ADAMTS4: variants seen among roughly 807,000 people sequenced by gnomAD.
ADAMTS4 encodes the protein A disintegrin and metalloproteinase with thrombospondin motifs 4.
In ADAMTS4, 38 loss-of-function variants were observed where a neutral mutation model predicts 66.7. The observed-to-expected ratio is 0.57, with a 90% confidence interval of 0.44 to 0.75. ADAMTS4 has a LOEUF of 0.75. ADAMTS4 is among the 30% of genes least tolerant of loss of function. The pLI, the probability that ADAMTS4 is intolerant of heterozygous loss-of-function variation, is 0.00. For missense variants in ADAMTS4, 1,014 were observed against 1,116.7 expected (o/e 0.91, Z 1.31); for synonymous variants, 418 against 461.5 (o/e 0.91, Z 1.21).
In ADAMTS4 at chr1:161,186,671, C is replaced by T. The variant is rs1488684660; in HGVS notation, c.*4467G>A. The T allele has an allele frequency of 6.6e-6, 1 of 152,196 alleles. No individual in the cohort carries two copies. Among genetic ancestry groups the T allele is most frequent in the Non-Finnish European group, 1.5e-5 (1 of 68,098 alleles). The allele number at this position is 152,196 out of a possible 1,614,324, so 9.4% of individuals were successfully genotyped here. A position where few individuals can be genotyped will look rare whatever the true frequency, so the allele number is the denominator to read the frequency against. On this transcript the variant is annotated 3_prime_UTR_variant, in exon 9 of 9. Transcript: ENST00000367996. ...GCTGTAGTAAGTTATGATGGTGCCA[C>T]TGCACTCCAACCTGAGCCACAGAGC...
rs141516750 is a variant in ADAMTS4, at chr1:161,197,052, C to T, written c.634-172G>A. 4.2e-5 allele frequency: 26 copies of T among 613,010 alleles called. 1 individual carries two copies. Among genetic ancestry groups the T allele is most frequent in the East Asian group, 2.0e-4 (7 of 34,900 alleles). The allele number at this position is 613,010 out of a possible 1,614,324, so 38.0% of individuals were successfully genotyped here. A position where few individuals can be genotyped will look rare whatever the true frequency, so the allele number is the denominator to read the frequency against. On this transcript the variant is annotated intron_variant, in intron 1 of 8. Transcript: ENST00000367996. ...GGTCTTGGTTGGGCCCTTCCCCCAA[C>T]GCCAAATCTCAGGGCTTTTGTGGTA...
At chr1:161,195,876 A>T in intron 3 of ADAMTS4, 1 of 558,794 alleles carries the variant, frequency 1.8e-6, no homozygotes, top group Non-Finnish European at 3.1e-6. Context: ...TATAGCCAAC[A>T]TTCCCAACTG....
Position 161,196,991 on chromosome 1 carries a change from GC to G in ADAMTS4, c.634-112del, listed in dbSNP as rs1664869140. Reference sequence around the variant, plus strand: ...TCTGGAACTCAGCATAGTCAGCTGGGCCCCACACACCCCACGGGATTCCTGA... The same window carrying G: ...TCTGGAACTCAGCATAGTCAGCTGGGCCCACACACCCCACGGGATTCCTGA... On this transcript the variant is annotated intron_variant, in intron 1 of 8. Coordinates refer to ENST00000367996, the MANE Select transcript of ADAMTS4 (RefSeq NM_005099.6). 9 of 1,037,188 alleles carry G rather than the reference GC, an allele frequency of 8.7e-6. No homozygotes were observed. The South Asian group carries it at 1.2e-4, about 14-fold the overall frequency. The allele number at this position is 1,037,188 out of a possible 1,614,324, so 64.2% of individuals were successfully genotyped here.
At chr1:161,197,221 G>T in intron 1 of ADAMTS4, 1 of 283,610 alleles carries the variant, frequency 3.5e-6, no homozygotes, top group South Asian at 4.3e-5. Flanking sequence ...GTGTGGCTGG[G>T]GCCTATGGGA....
At position 161,185,686 on chromosome 1, in the gene ADAMTS4, A is replaced by G. The variant is rs1030927672; in HGVS notation, c.*5452T>C. Reference sequence around the variant, plus strand: ...GATGCTAGTTTTGTCACTTACTGCCAATCTGGTATTTTAGAAAACAAAATA... The same window carrying G: ...GATGCTAGTTTTGTCACTTACTGCCGATCTGGTATTTTAGAAAACAAAATA... On this transcript the variant is annotated 3_prime_UTR_variant, in exon 9 of 9. Transcript: ENST00000367996. The G allele has an allele frequency of 6.6e-6, 1 of 152,228 alleles. No individual in the cohort carries two copies. Among genetic ancestry groups the G allele is most frequent in the Non-Finnish European group, 1.5e-5 (1 of 68,040 alleles). The allele number at this position is 152,228 out of a possible 1,614,324, so 9.4% of individuals were successfully genotyped here.
chr1:161,196,091 C>G, intron 3 of ADAMTS4, 80 bp downstream of exon 3: 1 of 1,502,192 alleles, frequency 6.7e-7, no homozygotes, highest in Non-Finnish European at 8.9e-7. Context: ...CTTGGGACCC[C>G]CATTAACACT....
rs374889531 is a variant in ADAMTS4, at chr1:161,193,413, C to T, written c.1736-25G>A. ...GCTGGAGGGGTAAAACAGTCAGAGC[C>T]CCTCCTTCCTTCCTCACATCACCCC... On this transcript the variant is annotated intron_variant, in intron 6 of 8. Transcript: ENST00000367996. This position sits in a 1 kb window ranked among gnomAD's most constrained non-coding sequence, Gnocchi z 4.4. 4.9e-4 allele frequency: 792 copies of T among 1,606,186 alleles called. 1 individual carries two copies. The highest frequency in any genetic ancestry group is 6.4e-4 in the Non-Finnish European group (753 of 1,175,188).
At position 161,190,840 on chromosome 1, in the gene ADAMTS4, A is replaced by C; in HGVS notation, c.*298T>G. The C allele has an allele frequency of 6.0e-6, 2 of 331,306 alleles. No homozygotes were observed. Among genetic ancestry groups the C allele is most frequent in the Non-Finnish European group, 1.1e-5 (2 of 179,046 alleles). The allele number at this position is 331,306 out of a possible 1,614,324, so 20.5% of individuals were successfully genotyped here. A position where few individuals can be genotyped will look rare whatever the true frequency, so the allele number is the denominator to read the frequency against. On this transcript the variant is annotated 3_prime_UTR_variant, in exon 9 of 9. Coordinates refer to ENST00000367996, the MANE Select transcript of ADAMTS4 (RefSeq NM_005099.6). ...AAGTGAATAAATACTAAATAAATAC[A>C]ACTGGGGCCCAGGCCCTCCCTGCCT...
At chr1:161,192,295 G>C in intron 7 of ADAMTS4, 55 bp from the exon 8 acceptor site, 3 of 1,557,426 alleles carry the variant, frequency 1.9e-6, no homozygotes. Context: ...AAAAGGGGTT[G>C]GTAAATCAAA....
Position 161,194,757 on chromosome 1 carries a change from G to A in ADAMTS4, c.1262-536C>T, listed in dbSNP as rs573625766. 9.8e-5 allele frequency among the ~76,000 whole-genome samples: 15 copies of A among 152,296 alleles called. No homozygotes were observed. The South Asian group carries it at 1.0e-3, about 11-fold the overall frequency. On this transcript the variant is annotated intron_variant, in intron 4 of 8. Transcript: ENST00000367996. This position sits in a 1 kb window ranked among gnomAD's most constrained non-coding sequence, Gnocchi z 4.1. ...ATTATGAGATGAGCATTGGCTAAATGCTTGACCAGCACTATTTAATCATGG... is the reference window on the plus strand; with the variant it reads ...ATTATGAGATGAGCATTGGCTAAATACTTGACCAGCACTATTTAATCATGG...
In ADAMTS4 at chr1:161,198,174, C is replaced by T. The variant is rs764698455; in HGVS notation, c.454G>A (p.Val152Met). The T allele has an allele frequency of 9.9e-6, 16 of 1,613,940 alleles. No individual in the cohort carries two copies. The highest frequency in any genetic ancestry group is 9.9e-5 in the South Asian group (9 of 91,084). Residue 152 changes from valine (V) to methionine (M), a missense_variant, in exon 1 of 9, where the codon GTG (valine) becomes ATG (methionine). By Grantham distance (21) the Val-to-Met change is conservative. Transcript: ENST00000367996. The surrounding 1 kb of genome is among the most constrained non-coding windows in gnomAD (Gnocchi z 4.7). ...LHWDGGALLGVLQYRGAELHL... is the reference protein window; with the variant it reads ...LHWDGGALLGMLQYRGAELHL... ...AGTTCAGCCCCCCGATATTGTAACACGCCTAACAGGGCTCCCCCATCCCAG... is the reference window on the plus strand; with the variant it reads ...AGTTCAGCCCCCCGATATTGTAACATGCCTAACAGGGCTCCCCCATCCCAG...
At position 161,187,788 on chromosome 1, in the gene ADAMTS4, T is replaced by A. The variant is rs2102007940; in HGVS notation, c.*3350A>T. The A allele has an allele frequency of 6.6e-6, 1 of 152,146 alleles. No individual in the cohort carries two copies. The highest frequency in any genetic ancestry group is 1.9e-4 in the East Asian group (1 of 5,170). The allele number at this position is 152,146 out of a possible 1,614,324, so 9.4% of individuals were successfully genotyped here. A position where few individuals can be genotyped will look rare whatever the true frequency, so the allele number is the denominator to read the frequency against. ...TTCCACCTCAACCTCAGGGTCTTCT[T>A]TACCTATAGTTTCTCCCACAACCCC... On this transcript the variant is annotated 3_prime_UTR_variant, in exon 9 of 9. Transcript: ENST00000367996.
Position 161,185,035 on chromosome 1 carries a change from G to A in ADAMTS4, c.*6103C>T, listed in dbSNP as rs1664515745. ...GAATCTGTCTTAAGAAAAAAAAGAA[G>A]AAAAAGAAAGGCAGGGGGGGAGGGG... On this transcript the variant is annotated 3_prime_UTR_variant, in exon 9 of 9. Coordinates refer to ENST00000367996, the MANE Select transcript of ADAMTS4 (RefSeq NM_005099.6). 8.2e-6 allele frequency: 1 copy of A among 122,446 alleles called. No homozygotes were observed. The highest frequency in any genetic ancestry group is 9.6e-5 in the Admixed American group (1 of 10,376). The allele number at this position is 122,446 out of a possible 1,614,324, so 7.6% of individuals were successfully genotyped here.
rs1664532175 is a variant in ADAMTS4 at position 161,185,796 on chromosome 1, C to T, written c.*5342G>A. 6.6e-6 allele frequency: 1 copy of T among 152,216 alleles called. No individual in the cohort carries two copies. The highest frequency in any genetic ancestry group is 2.4e-5 in the African/African-American group (1 of 41,444). 9.4% of individuals were successfully genotyped at this position (152,216 alleles called of 1,614,324 possible). A position where few individuals can be genotyped will look rare whatever the true frequency, so the allele number is the denominator to read the frequency against. On this transcript the variant is annotated 3_prime_UTR_variant, in exon 9 of 9. Transcript: ENST00000367996. ...CCGATTCCACAGCACACTCCAGGAA[C>T]CCTGGCTGTCCCACCTCCATTACAA...
rs1362209051 is a variant in ADAMTS4 at position 161,191,362 on chromosome 1, C to T, written c.2290G>A (p.Ala764Thr). The change falls in exon 9 of 9, where the codon GCC becomes ACC. Residue 764 changes from alanine (A) to threonine (T), a missense_variant. By Grantham distance (58) the Ala-to-Thr change is moderately conservative. Coordinates refer to ENST00000367996, the MANE Select transcript of ADAMTS4 (RefSeq NM_005099.6). ...GACAGTGTCTCTGAGGCTGCAGTGG[C>T]CCCGCTGTAGCGCAAGCTGACTGCC... ...PGAVSLRYSGATAASETLSGH... is the reference protein window; with the variant it reads ...PGAVSLRYSGTTAASETLSGH... 6.2e-7 allele frequency: 1 copy of T among 1,613,944 alleles called. No homozygotes were observed.
rs778397651 is a variant in ADAMTS4, at chr1:161,191,263, G to A, written c.2389C>T (p.Arg797Ter). The A allele has an allele frequency of 8.7e-6, 14 of 1,613,736 alleles. No homozygotes were observed. Among genetic ancestry groups the A allele is most frequent in the Non-Finnish European group, 5.1e-6 (6 of 1,180,010 alleles). ...VAGNPQDTRL[R>*]YSFFVPRPTP... ...GGCCGGGGCACGAAGAAGCTGTATC[G>A]GAGGCGTGTGTCCTGGGGGTTGCCA... The change falls in exon 9 of 9, where the codon CGA becomes TGA. Residue 797 changes from arginine to a stop codon, truncating the protein, a stop_gained. Coordinates refer to ENST00000367996, the MANE Select transcript of ADAMTS4 (RefSeq NM_005099.6). LOFTEE classifies it high-confidence loss of function.
rs568060934 is a variant in ADAMTS4, at chr1:161,184,597, A to G, written c.*6541T>C. 6.6e-6 allele frequency: 1 copy of G among 152,358 alleles called. No individual in the cohort carries two copies. The highest frequency in any genetic ancestry group is 2.1e-4 in the South Asian group (1 of 4,830). 9.4% of individuals were successfully genotyped at this position (152,358 alleles called of 1,614,324 possible). On this transcript the variant is annotated 3_prime_UTR_variant, in exon 9 of 9. Coordinates refer to ENST00000367996, the MANE Select transcript of ADAMTS4 (RefSeq NM_005099.6). ...CATTGGCTTATTTATTGAACAAATA[A>G]ATGGGATAAACAGTCAATTCTCAAT... is the stretch of plus-strand genomic sequence containing the variant.
At position 161,198,774 on chromosome 1, in the gene ADAMTS4, G is replaced by A. The variant is rs953685629; in HGVS notation, c.-147C>T. ...AAAGTTTTCAGAAGGGCTGAGGACC[G>A]TTAAAGGAAATGGAGAAAACTTAGT... On this transcript the variant is annotated 5_prime_UTR_variant, in exon 1 of 9. In the 5' UTR this introduces an upstream ATG that the reference lacks. Coordinates refer to ENST00000367996, the MANE Select transcript of ADAMTS4 (RefSeq NM_005099.6). This position sits in a 1 kb window ranked among gnomAD's most constrained non-coding sequence, Gnocchi z 4.7. 1.9e-5 allele frequency: 14 copies of A among 719,186 alleles called. No homozygotes were observed. The highest frequency in any genetic ancestry group is 3.9e-4 in the Middle Eastern group (1 of 2,554). 44.6% of individuals were successfully genotyped at this position (719,186 alleles called of 1,614,324 possible).
Position 161,193,876 on chromosome 1 carries a change from C to T in ADAMTS4, c.1549-50G>A, listed in dbSNP as rs977035694. The T allele has an allele frequency of 3.8e-6, 6 of 1,566,914 alleles. No individual in the cohort carries two copies. In the African/African-American group the frequency reaches 6.8e-5, roughly 18 times the overall value. On this transcript the variant is annotated intron_variant, in intron 5 of 8. Coordinates refer to ENST00000367996, the MANE Select transcript of ADAMTS4 (RefSeq NM_005099.6). This position sits in a 1 kb window ranked among gnomAD's most constrained non-coding sequence, Gnocchi z 4.4. ...GGGCATAAGTGAACTCTCTCCTGGG[C>T]TTAAGGCCAGTCCCCACACCCCCGG...
Sources: gnomAD v4.1 joint callset for allele counts (sites outside exome capture counted in the v4.1 genomes callset) on GRCh38, gnomAD v4.1.1 for gene constraint, Gnocchi (gnomAD v3.1) non-coding constraint, MANE v1.5 for transcripts, NCBI Gene and HGNC (gene_info 2026-07-23, HGNC 2026-07-21) for gene names.